The following NOP9 variants were observed in gnomAD, a reference collection of about 807,000 sequenced individuals.
The protein encoded by NOP9 is nucleolar protein 9.
In NOP9, 50 loss-of-function variants were observed where a neutral mutation model predicts 63.0. That is an observed-to-expected ratio of 0.79 (90% CI 0.63 to 1.00). The LOEUF is 1.00. Among genes scored for constraint, NOP9 ranks in the 50% least tolerant of loss-of-function variants. NOP9 has a pLI of 0.00. For synonymous variants in NOP9, 343 were observed against 332.8 expected, an observed-to-expected ratio of 1.03 and a Z score of -0.33; for missense variants, 758 against 803.0, an observed-to-expected ratio of 0.94 and a Z score of 0.68.
At chr14:24,287,390 C>T in the NOP9 span, among the ~76,000 whole-genome samples, 4 of 152,306 alleles carry the variant, frequency 2.6e-5, 1 homozygote, top group South Asian at 8.3e-4. Context: ...TGAGGCCTTA[C>T]ACACCAAAGC....
Position 24,300,220 on chromosome 14 carries a change from GT to G in NOP9, c.247+22del. 6.2e-7 allele frequency: 1 copy of G among 1,611,790 alleles called. No homozygotes were observed. The highest frequency in any genetic ancestry group is 8.5e-7 in the Non-Finnish European group (1 of 1,178,176). On this transcript the variant is annotated intron_variant, in intron 1 of 9. Coordinates refer to ENST00000267425, the MANE Select transcript of NOP9 (RefSeq NM_174913.3). ...GAACGAGGTAGGCAGCAACTTCGGGGTTTAGACCAAGAGCATCAAATCCAGG... is the reference window on the plus strand; with the variant it reads ...GAACGAGGTAGGCAGCAACTTCGGGGTTAGACCAAGAGCATCAAATCCAGG...
At chr14:24,301,802 G>C (rs902835179) in intron 3 of NOP9, 80 bp downstream of exon 3, 2 of 1,531,268 alleles carry the variant, frequency 1.3e-6, no homozygotes, top group Non-Finnish European at 1.8e-6. Context: ...CCTTACCTCA[G>C]GTTATTCCTC....
In NOP9 at chr14:24,307,339, G is replaced by A. The variant is rs745558177; in HGVS notation, c.*2244G>A. 3 of 1,598,334 alleles carry A rather than the reference G, an allele frequency of 1.9e-6. No individual in the cohort carries two copies. The highest frequency in any genetic ancestry group is 2.6e-6 in the Non-Finnish European group (3 of 1,171,126). On this transcript the variant is annotated 3_prime_UTR_variant, in exon 10 of 10. Coordinates refer to ENST00000267425, the MANE Select transcript of NOP9 (RefSeq NM_174913.3). The stretch of plus-strand genomic sequence containing the variant: ...GTTGTGGAGCCCCTTGGCTACCCCT[G>A]CTATAGGAACCGAGGAACTTGGCCT...
At chr14:24,275,279 A>T in the NOP9 span, among the ~76,000 whole-genome samples, 1 of 152,230 alleles carries the variant, frequency 6.6e-6, no homozygotes, top group Non-Finnish European at 1.5e-5. Context: ...AGAAACAAAC[A>T]GTAATTGAGT....
At chr14:24,290,871 A>G in the NOP9 span, 1 of 1,613,824 alleles carries the variant, frequency 6.2e-7, no homozygotes, top group Non-Finnish European at 8.5e-7. Flanking sequence ...AGAACTTGCT[A>G]GTGTAGAGGG....
In NOP9 at chr14:24,300,748, C is replaced by G; in HGVS notation, c.588C>G (p.Val196=). ...CTGAGGTGTGTGATGATTTTCTTGT[C>G]TACTGTGGAGACACACATGGCAGCT... is the stretch of plus-strand genomic sequence containing the variant. ...LAAEVCDDFL[V]YCGDTHGSFV... Residue 196 remains valine (V), a synonymous_variant, in exon 2 of 10, where the codon GTC becomes GTG. Coordinates refer to ENST00000267425, the MANE Select transcript of NOP9 (RefSeq NM_174913.3). 9 of 1,614,152 alleles carry G rather than the reference C, an allele frequency of 5.6e-6. No individual in the cohort carries two copies. Among genetic ancestry groups the G allele is most frequent in the Non-Finnish European group, 7.6e-6 (9 of 1,180,032 alleles).
At chr14:24,284,600 G>A in the NOP9 span, among the ~76,000 whole-genome samples, 1 of 152,120 alleles carries the variant, frequency 6.6e-6, no homozygotes. Flanking sequence ...GTGATGGGGA[G>A]GGGCTGCGGC....
the NOP9 span, among the ~76,000 whole-genome samples, chr14:24,281,873 C>T: frequency 0.039 from 5,455 of 139,372 alleles, 119 homozygotes; most frequent in Middle Eastern, 0.095. Flanking sequence ...TGCCCAGTCC[C>T]CAACCCTTCC....
chr14:24,281,638 G>A, the NOP9 span, among the ~76,000 whole-genome samples: 3 of 152,158 alleles, frequency 2.0e-5, no homozygotes, highest in East Asian at 1.9e-4. Context: ...GGTAGAAGAC[G>A]CCAGGAGAAA....
In NOP9 at chr14:24,299,919, G is replaced by C; in HGVS notation, c.-36G>C. The C allele has an allele frequency of 1.3e-6, 2 of 1,512,422 alleles. No individual in the cohort carries two copies. The allele number at this position is 1,512,422 out of a possible 1,614,324, so 93.7% of individuals were successfully genotyped here. On this transcript the variant is annotated 5_prime_UTR_variant, in exon 1 of 10. Transcript: ENST00000267425. ...ACGTCGAAGGTCCGTCCGCAGTTAAGGAAGCTTTTGCAGCCGGACAGGTCG... is the reference window on the plus strand; with the variant it reads ...ACGTCGAAGGTCCGTCCGCAGTTAACGAAGCTTTTGCAGCCGGACAGGTCG...
At chr14:24,291,278 T>C in the NOP9 span, 2 of 1,548,882 alleles carry the variant, frequency 1.3e-6, no homozygotes, top group East Asian at 4.5e-5. Flanking sequence ...GTGACAAGGT[T>C]TGGGCCCAGT....
chr14:24,272,077 T>TAGTG, the NOP9 span, among the ~76,000 whole-genome samples: 1 of 152,176 alleles, frequency 6.6e-6, no homozygotes, highest in Non-Finnish European at 1.5e-5. Flanking sequence ...CTTCACCCAC[T>TAGTG]GTTCCTGGGA....
intron 9 of NOP9, among the ~76,000 whole-genome samples, 166 bp from the exon 10 acceptor site, chr14:24,304,772 G>C (rs1340631631): frequency 2.0e-5 from 3 of 152,324 alleles, no homozygotes; most frequent in African/African-American, 7.2e-5. Flanking sequence ...TGATTGTGTA[G>C]TCCTCTGCCC....
In NOP9 at chr14:24,299,874, G is replaced by A. The variant is rs1488560945; in HGVS notation, c.-81G>A. ...CGCCCGCGTTTCTAAACTTTGTCTG[G>A]ATAAGGCGCACGCTTGGCGACGTCG... is the stretch of plus-strand genomic sequence containing the variant. On this transcript the variant is annotated 5_prime_UTR_variant, in exon 1 of 10. Transcript: ENST00000267425. 3 of 1,469,808 alleles carry A rather than the reference G, an allele frequency of 2.0e-6. No individual in the cohort carries two copies. The highest frequency in any genetic ancestry group is 2.7e-6 in the Non-Finnish European group (3 of 1,112,358). 91.0% of individuals were successfully genotyped at this position (1,469,808 alleles called of 1,614,324 possible). A position where few individuals can be genotyped will look rare whatever the true frequency, so the allele number is the denominator to read the frequency against.
chr14:24,274,531 G>A, the NOP9 span, among the ~76,000 whole-genome samples: 4 of 152,174 alleles, frequency 2.6e-5, no homozygotes, highest in African/African-American at 9.7e-5. Context: ...CTTGCTTGAA[G>A]GCAAAAGGAG....
At chr14:24,286,349 G>C in the NOP9 span, among the ~76,000 whole-genome samples, 1 of 152,138 alleles carries the variant, frequency 6.6e-6, no homozygotes, top group Non-Finnish European at 1.5e-5. Flanking sequence ...ACTGATAGCG[G>C]GCCAGCCTTC....
At position 24,300,423 on chromosome 14, in the gene NOP9, A is replaced by G. The variant is rs554554917; in HGVS notation, c.263A>G (p.Asn88Ser). Residue 88 changes from asparagine (N) to serine (S), a missense_variant, in exon 2 of 10, where the codon AAT becomes AGT. By Grantham distance (46) the Asn-to-Ser change is conservative (BLOSUM62 1). Coordinates refer to ENST00000267425, the MANE Select transcript of NOP9 (RefSeq NM_174913.3). The part of the protein sequence containing the change: ...TGEERDLMVH[N>S]IMKEVETQAL... ...CCCTTTTCAGATCTGATGGTGCACA[A>G]TATAATGAAGGAAGTAGAGACTCAG... 11 of 1,613,036 alleles carry G rather than the reference A, an allele frequency of 6.8e-6. No homozygotes were observed. In the Admixed American group the frequency reaches 1.3e-4, roughly 20 times the overall value.
chr14:24,306,613 A>G lies in NOP9; in HGVS notation c.*1518A>G, dbSNP rs911043207. On this transcript the variant is annotated 3_prime_UTR_variant, in exon 10 of 10. Transcript: ENST00000267425. ...CAACATCCATCAGTTGGCTCTAGAC[A>G]TTGGTCGATGTCCCACTTTGACTTT... 2 of 1,548,716 alleles carry G rather than the reference A, an allele frequency of 1.3e-6. No homozygotes were observed. Among genetic ancestry groups the G allele is most frequent in the Non-Finnish European group, 1.8e-6 (2 of 1,127,270 alleles).
At chr14:24,299,844 G>A (rs771981089), upstream of NOP9, 4 of 1,359,920 alleles carry the variant, frequency 2.9e-6, no homozygotes, top group East Asian at 1.0e-4. Flanking sequence ...GCTGCGTCAG[G>A]AGCGCGCCCG....
Sources: allele counts gnomAD v4.1 joint callset (sites outside exome capture counted in the v4.1 genomes callset), GRCh38; gene constraint gnomAD v4.1.1; transcripts MANE v1.5; gene names NCBI Gene and HGNC (gene_info 2026-07-23, HGNC 2026-07-21).